LPIN1: variants seen among roughly 807,000 people sequenced by gnomAD.
LPIN1 encodes lipin 1.
A neutral mutation model predicts 107.5 loss-of-function variants in LPIN1; 71 were observed. The observed-to-expected ratio is 0.66, with a 90% confidence interval of 0.55 to 0.80. The LOEUF (loss-of-function observed/expected upper bound fraction) is 0.80. Among genes scored for constraint, LPIN1 ranks in the 30% least tolerant of loss-of-function variants. The pLI, the probability that LPIN1 is intolerant of heterozygous loss-of-function variation, is 0.00. For synonymous variants in LPIN1, 445 were observed against 452.6 expected (o/e 0.98, Z 0.21); for missense variants, 1,043 against 1,160.6 (o/e 0.90, Z 1.47).
Position 11,825,764 on chromosome 2 carries a change from G to A in LPIN1, c.*973G>A, listed in dbSNP as rs992688527. On this transcript the variant is annotated 3_prime_UTR_variant, in exon 21 of 21. Coordinates refer to ENST00000674199, the MANE Select transcript of LPIN1 (RefSeq NM_001349206.2). This position sits in a 1 kb window ranked among gnomAD's most constrained non-coding sequence, Gnocchi z 4.1. ...GGTTTTAAGAAAATAGTTTCAAGAA[G>A]TTCAACTATATTCTTTTAGATATTA... 6.6e-6 allele frequency: 1 copy of A among 152,180 alleles called. No homozygotes were observed. Among genetic ancestry groups the A allele is most frequent in the Non-Finnish European group, 1.5e-5 (1 of 68,026 alleles). The allele number at this position is 152,180 out of a possible 1,614,324, so 9.4% of individuals were successfully genotyped here.
chr2:11,702,066 C>G (rs1046305300), intron 1 of LPIN1, among the ~76,000 whole-genome samples: 1 of 152,120 alleles, frequency 6.6e-6, no homozygotes, highest in African/African-American at 2.4e-5. Flanking sequence ...GGAAGACAGA[C>G]AGGAAAATGA....
Position 11,774,965 on chromosome 2 carries a change from T to TAAAAA in LPIN1, c.723-1109_723-1105dup, listed in dbSNP as rs1171247173. 2.0e-4 allele frequency among the ~76,000 whole-genome samples: 24 copies of TAAAAA among 119,960 alleles called. No homozygotes were observed. Among genetic ancestry groups the TAAAAA allele is most frequent in the African/African-American group, 7.3e-4 (24 of 33,070 alleles). 78.7% of individuals were successfully genotyped at this position (119,960 alleles called of 152,430 possible). On this transcript the variant is annotated intron_variant, in intron 5 of 20. Coordinates refer to ENST00000674199, the MANE Select transcript of LPIN1 (RefSeq NM_001349206.2). This position sits in a 1 kb window ranked among gnomAD's most constrained non-coding sequence, Gnocchi z 4.4. ...TTCCAGTAGCCCTATTTTTAAAAAG[T>TAAAAA]AAAAAAAAAAAAAAAAGATGAAATT...
rs878952876 is a variant in LPIN1, at chr2:11,785,062, G to A, written c.1535G>A (p.Arg512Gln). 6.3e-7 allele frequency: 1 copy of A among 1,584,240 alleles called. No individual in the cohort carries two copies. Among genetic ancestry groups the A allele is most frequent in the South Asian group, 1.1e-5 (1 of 88,826 alleles). Residue 512 changes from arginine (R) to glutamine (Q), a missense_variant, in exon 10 of 21, where the codon CGG (arginine) becomes CAG (glutamine). Arg to Gln is a conservative substitution (Grantham distance 43). Coordinates refer to ENST00000674199, the MANE Select transcript of LPIN1 (RefSeq NM_001349206.2). ...ISLCGGLSDH[R>Q]EITKDAFLEQ... ...CTCTGCGGGGGCCTCAGCGACCACC[G>A]GGAGATCACGAAAGGTACCGCGGGC...
chr2:11,819,414 A>C, intron 18 of LPIN1, 70 bp from the exon 19 acceptor site: 1 of 1,005,984 alleles, frequency 9.9e-7, no homozygotes, highest in Non-Finnish European at 1.6e-6. Flanking sequence ...CAGCTTTGTC[A>C]GCTAAAAACA....
At position 11,787,120 on chromosome 2, in the gene LPIN1, C is replaced by A. The variant is rs201940484; in HGVS notation, c.1596C>A (p.Asn532Lys). 29 of 1,614,114 alleles carry A rather than the reference C, an allele frequency of 1.8e-5. No individual in the cohort carries two copies. The East Asian group carries it at 4.0e-4, about 22-fold the overall frequency. Residue 532 changes from asparagine to lysine, a missense_variant, in exon 11 of 21, where the codon AAC becomes AAA. Asn to Lys is a moderately conservative substitution (Grantham distance 94, BLOSUM62 0). Coordinates refer to ENST00000674199, the MANE Select transcript of LPIN1 (RefSeq NM_001349206.2). Reference sequence around the variant, plus strand: ...TGTCATATCAACAGTTTGTGGACAACCCCGCTATTATCGATGACCCCAATC... The same window carrying A: ...TGTCATATCAACAGTTTGTGGACAAACCCGCTATTATCGATGACCCCAATC... ...QAVSYQQFVD[N>K]PAIIDDPNLV... is the part of the protein sequence containing the mutation.
chr2:11,695,724 T>C (rs1662540076), intron 1 of LPIN1, among the ~76,000 whole-genome samples: 1 of 152,180 alleles, frequency 6.6e-6, no homozygotes, highest in Non-Finnish European at 1.5e-5. Flanking sequence ...CTGGCCTGTT[T>C]AAGGATTTGG....
intron 1 of LPIN1, chr2:11,764,078 G>GTGTA (rs1313228035): frequency 0.015 from 944 of 63,176 alleles, 6 homozygotes; most frequent in Non-Finnish European, 0.023. Context: ...GTGTGTGTGT[G>GTGTA]TATATATATA....
Position 11,773,732 on chromosome 2 carries a change from T to C in LPIN1, c.709T>C (p.Ser237Pro). 6.2e-7 allele frequency: 1 copy of C among 1,614,052 alleles called. No homozygotes were observed. Among genetic ancestry groups the C allele is most frequent in the Non-Finnish European group, 8.5e-7 (1 of 1,179,920 alleles). The stretch of plus-strand genomic sequence containing the variant: ...ATACCCTAATTCGGATAGAGAGTGG[T>C]CACCCACTCCCAGGTAAGCTGTTCC... ...ASYPNSDREW[S>P]PTPSSLVDCK... is the part of the protein sequence containing the mutation. Residue 237 changes from serine to proline, a missense_variant, in exon 5 of 21, where the codon TCA becomes CCA. Physicochemically the swap from Ser to Pro is moderately conservative, Grantham distance 74. Transcript: ENST00000674199.
rs947456062 is a variant in LPIN1 at position 11,746,658 on chromosome 2, C to T, written c.-23C>T. On this transcript the variant is annotated 5_prime_UTR_variant, in exon 1 of 21. Coordinates refer to ENST00000674199, the MANE Select transcript of LPIN1 (RefSeq NM_001349206.2). ...TGTTTGCAATACAAAGGCGGCCACGCGCGGCGCCGCTCGGTGAGTAGCCGC... is the reference window on the plus strand; with the variant it reads ...TGTTTGCAATACAAAGGCGGCCACGTGCGGCGCCGCTCGGTGAGTAGCCGC... 12 of 985,214 alleles carry T rather than the reference C, an allele frequency of 1.2e-5. 1 individual carries two copies. Among genetic ancestry groups the T allele is most frequent in the East Asian group, 1.1e-4 (1 of 8,804 alleles). 61.0% of individuals were successfully genotyped at this position (985,214 alleles called of 1,614,324 possible).
At chr2:11,753,088 G>C (rs988611373) in intron 1 of LPIN1, among the ~76,000 whole-genome samples, 1 of 152,060 alleles carries the variant, frequency 6.6e-6, no homozygotes, top group Non-Finnish European at 1.5e-5. Context: ...TCCTGTCCCT[G>C]GGCAAGGAGG....
intron 1 of LPIN1, among the ~76,000 whole-genome samples, chr2:11,700,801 G>A (rs1287099022): frequency 6.6e-6 from 1 of 152,182 alleles, no homozygotes; most frequent in African/African-American, 2.4e-5. Flanking sequence ...ACAGCACGGA[G>A]CACACGATTC....
rs545067425 is a variant in LPIN1 at position 11,734,470 on chromosome 2, C to T, written c.-71-6879C>T. ...CTAGTCCTCAAGTAAGAGCACTTGA[C>T]GGCACCCTTTATCCTTCTCAGTTCA... On this transcript the variant is annotated intron_variant, in intron 1 of 21. Transcript: ENST00000396097. Among the ~76,000 whole-genome samples the T allele has an allele frequency of 3.7e-4, 57 of 152,308 alleles. 1 individual carries two copies. The highest frequency in any genetic ancestry group is 5.6e-4 in the Non-Finnish European group (38 of 68,026).
At chr2:11,778,973 G>C (rs978770509) in intron 6 of LPIN1, among the ~76,000 whole-genome samples, 1 of 152,204 alleles carries the variant, frequency 6.6e-6, no homozygotes, top group African/African-American at 2.4e-5. Flanking sequence ...CCTGCCCAAC[G>C]TTATCGAGTT....
At chr2:11,752,959 T>C (rs1668082115) in intron 1 of LPIN1, among the ~76,000 whole-genome samples, 1 of 152,226 alleles carries the variant, frequency 6.6e-6, no homozygotes. Flanking sequence ...TGTCACCTCA[T>C]CCTGACAGTG....
chr2:11,715,182 G>A (rs991341614), intron 2 of LPIN1, among the ~76,000 whole-genome samples: 5 of 152,192 alleles, frequency 3.3e-5, no homozygotes, highest in Admixed American at 1.3e-4. Context: ...TAGTCATGGA[G>A]GCGGCCTCGG....
Position 11,775,915 on chromosome 2 carries a change from T to C in LPIN1, c.723-171T>C, listed in dbSNP as rs145221282. Among the ~76,000 whole-genome samples the C allele has an allele frequency of 0.02, 2,987 of 147,858 alleles. 96 individuals are homozygous for C. The highest frequency in any genetic ancestry group is 0.067 in the African/African-American group (2,724 of 40,800). On this transcript the variant is annotated intron_variant, in intron 5 of 20. Transcript: ENST00000674199. ...ATCTTTATATAAAGTATATTATATA[T>C]ACTTTATATAATCTTATATATAGTC...
intron 17 of LPIN1, among the ~76,000 whole-genome samples, chr2:11,812,522 C>A (rs1679846069): frequency 6.6e-6 from 1 of 152,132 alleles, no homozygotes; most frequent in Admixed American, 6.5e-5. Context: ...CAAGCAGTCC[C>A]TGCAGACTGG....
At chr2:11,725,967 G>C (rs570351097) in intron 1 of LPIN1, among the ~76,000 whole-genome samples, 1 of 152,342 alleles carries the variant, frequency 6.6e-6, no homozygotes, top group African/African-American at 2.4e-5. Context: ...GCACGGCAGA[G>C]AGGCTACTGT....
intron 1 of LPIN1, among the ~76,000 whole-genome samples, chr2:11,700,817 C>A (rs996229837): frequency 6.6e-6 from 1 of 152,212 alleles, no homozygotes; most frequent in East Asian, 1.9e-4. Context: ...GATTCGTCCT[C>A]GCTCTGTGGC....
Sources: gnomAD v4.1 joint callset for allele counts (sites outside exome capture counted in the v4.1 genomes callset) on GRCh38, gnomAD v4.1.1 for gene constraint, Gnocchi (gnomAD v3.1) non-coding constraint, MANE v1.5 for transcripts, NCBI Gene and HGNC (gene_info 2026-07-23, HGNC 2026-07-21) for gene names.